The following KCTD8 variants were observed in gnomAD, a reference collection of about 807,000 sequenced individuals.
KCTD8 encodes the protein BTB/POZ domain-containing protein KCTD8.
A neutral mutation model predicts 31.5 loss-of-function variants in KCTD8; 27 were observed. The observed-to-expected ratio is 0.86, with a 90% CI of 0.63 to 1.18. The LOEUF (loss-of-function observed/expected upper bound fraction) is 1.18, where lower values mean the gene tolerates loss of function less well. Among genes scored for constraint, KCTD8 ranks in the 50% most tolerant of loss-of-function variants. KCTD8 has a pLI of 0.00. For synonymous variants in KCTD8, 290 were observed against 280.0 expected, an observed-to-expected ratio of 1.04 and a Z score of -0.36; for missense variants, 658 against 647.7, an observed-to-expected ratio of 1.02 and a Z score of -0.17.
intron 1 of KCTD8, among the ~76,000 whole-genome samples, chr4:44,322,769 T>G (rs1227929247): frequency 1.3e-5 from 2 of 152,074 alleles, no homozygotes; most frequent in Non-Finnish European, 2.9e-5. Context: ...TTTGTATATG[T>G]TGAAAGATGG....
chr4:44,299,782 T>A (rs1162913721), intron 1 of KCTD8, among the ~76,000 whole-genome samples: 1 of 151,104 alleles, frequency 6.6e-6, no homozygotes, highest in African/African-American at 2.4e-5. Context: ...CTTTTTTTTT[T>A]TTTGGAGACG....
intron 1 of KCTD8, among the ~76,000 whole-genome samples, chr4:44,405,282 G>A (rs545732454): frequency 1.8e-4 from 15 of 85,428 alleles, no homozygotes; most frequent in South Asian, 4.3e-4. Flanking sequence ...TTTGTGAGAC[G>A]GAGTCTCGCT....
chr4:44,331,979 AC>A (rs1718601627), intron 1 of KCTD8, among the ~76,000 whole-genome samples: 1 of 151,802 alleles, frequency 6.6e-6, no homozygotes, highest in African/African-American at 2.4e-5. Context: ...GAAATAAGGC[AC>A]AAGTAATAAA....
chr4:44,427,951 G>A (rs906661038), intron 1 of KCTD8, among the ~76,000 whole-genome samples: 8 of 151,696 alleles, frequency 5.3e-5, no homozygotes, highest in South Asian at 4.1e-4. Context: ...GTTAATAAAC[G>A]TACAATGTTT....
chr4:44,264,394 A>T (rs779060824), intron 1 of KCTD8, among the ~76,000 whole-genome samples: 1 of 152,186 alleles, frequency 6.6e-6, no homozygotes, highest in Non-Finnish European at 1.5e-5. Flanking sequence ...TTTGTTTCAC[A>T]TTAGGGCAGT....
intron 1 of KCTD8, among the ~76,000 whole-genome samples, chr4:44,176,860 C>CATCCATCTATCTATCTATCT (rs1553890665): frequency 6.7e-6 from 1 of 148,360 alleles, no homozygotes; most frequent in Non-Finnish European, 1.5e-5. Context: ...TATATGTCTA[C>CATCCATCTATCTATCTATCT]ATCTATCTAT....
At chr4:44,302,315 G>A (rs182506513) in intron 1 of KCTD8, among the ~76,000 whole-genome samples, 25 of 152,096 alleles carry the variant, frequency 1.6e-4, no homozygotes, top group African/African-American at 5.6e-4. Flanking sequence ...GGGCAGGATG[G>A]CCATTTTCAC....
chr4:44,315,462 T>C (rs1371492932), intron 1 of KCTD8, among the ~76,000 whole-genome samples: 2 of 152,122 alleles, frequency 1.3e-5, no homozygotes, highest in African/African-American at 4.8e-5. Flanking sequence ...AAAAGTTAGA[T>C]TGAACCCATA....
intron 1 of KCTD8, among the ~76,000 whole-genome samples, chr4:44,381,251 T>C (rs1409811939): frequency 6.6e-6 from 1 of 152,042 alleles, no homozygotes; most frequent in Non-Finnish European, 1.5e-5. Flanking sequence ...TTTTTAAAAA[T>C]GAATGCTTAT....
Position 44,448,294 on chromosome 4 carries a change from G to T in KCTD8, c.230C>A (p.Ser77Tyr), listed in dbSNP as rs746687835. 1 of 1,608,186 alleles carries T rather than the reference G, an allele frequency of 6.2e-7. No individual in the cohort carries two copies. Among genetic ancestry groups the T allele is most frequent in the Admixed American group, 1.7e-5 (1 of 58,858 alleles). Residue 77 changes from serine (S) to tyrosine (Y), a missense_variant, in exon 1 of 2, where the codon TCT becomes TAT. Transcript: ENST00000360029. The surrounding 1 kb of genome is among the most constrained non-coding windows in gnomAD (Gnocchi z 4.1). ...DSTLASMFSP[S>Y]SPRGGARRRG... ...GCGCCGGGCGCCGCCACGGGGACTA[G>T]AGGGCGAGAACATGCTGGCCAAAGT...
intron 1 of KCTD8, among the ~76,000 whole-genome samples, chr4:44,239,026 T>C (rs934345775): frequency 6.6e-6 from 1 of 152,182 alleles, no homozygotes; most frequent in Admixed American, 6.5e-5. Flanking sequence ...TTCTAACAAA[T>C]TCTACAAATT....
intron 1 of KCTD8, among the ~76,000 whole-genome samples, chr4:44,408,554 T>C: frequency 6.6e-6 from 1 of 152,208 alleles, no homozygotes; most frequent in East Asian, 1.9e-4. Context: ...AGGAAATTAA[T>C]GTGAAGATTT....
chr4:44,427,124 AT>A (rs1721368438), intron 1 of KCTD8, among the ~76,000 whole-genome samples: 1 of 151,546 alleles, frequency 6.6e-6, no homozygotes, highest in African/African-American at 2.4e-5. Flanking sequence ...AAAGAAGTGC[AT>A]TCCTAGAAAA....
intron 1 of KCTD8, among the ~76,000 whole-genome samples, chr4:44,355,359 A>C (rs1341936345): frequency 6.6e-6 from 1 of 152,132 alleles, no homozygotes; most frequent in South Asian, 2.1e-4. Flanking sequence ...AGTGAGATCA[A>C]TTAAGACATT....
intron 1 of KCTD8, among the ~76,000 whole-genome samples, chr4:44,260,688 C>T (rs944692881): frequency 1.1e-4 from 17 of 151,704 alleles, no homozygotes; most frequent in African/African-American, 4.1e-4. Context: ...TCAAAAACAA[C>T]AAAAAGATCA....
intron 1 of KCTD8, among the ~76,000 whole-genome samples, chr4:44,347,171 A>G (rs1719056425): frequency 6.6e-6 from 1 of 152,224 alleles, no homozygotes; most frequent in African/African-American, 2.4e-5. Flanking sequence ...GAAATGAGCA[A>G]TTGCTCACAT....
intron 1 of KCTD8, among the ~76,000 whole-genome samples, chr4:44,182,796 T>A (rs1265283419): frequency 2.0e-5 from 3 of 152,004 alleles, no homozygotes; most frequent in Non-Finnish European, 2.9e-5. Flanking sequence ...AAATAAAAAA[T>A]AAATAAATAA....
At chr4:44,424,261 G>T (rs750769243) in intron 1 of KCTD8, among the ~76,000 whole-genome samples, 1 of 151,970 alleles carries the variant, frequency 6.6e-6, no homozygotes, top group Admixed American at 6.6e-5. Flanking sequence ...CACTTCCTCT[G>T]GTCATTCAGC....
chr4:44,279,818 G>A (rs1716850476), intron 1 of KCTD8, among the ~76,000 whole-genome samples: 1 of 151,930 alleles, frequency 6.6e-6, no homozygotes, highest in Admixed American at 6.6e-5. Context: ...ATATATACAT[G>A]CTTTTCTTAA....
Sources: allele counts gnomAD v4.1 joint callset (sites outside exome capture counted in the v4.1 genomes callset), GRCh38; gene constraint gnomAD v4.1.1; non-coding constraint Gnocchi (gnomAD v3.1); transcripts MANE v1.5; gene names NCBI Gene and HGNC (gene_info 2026-07-23, HGNC 2026-07-21).